Variants in PKD1 observed in about 807,000 individuals in gnomAD.
PKD1 encodes the protein polycystin-1.
PKD1 carries 81 observed loss-of-function variants against 361.7 expected under a neutral mutation model. The observed-to-expected ratio is 0.22, with a 90% CI of 0.19 to 0.27. The LOEUF (loss-of-function observed/expected upper bound fraction) is 0.27, where lower values mean the gene tolerates loss of function less well. Among genes scored for constraint, PKD1 ranks in the 10% least tolerant of loss-of-function variants. The probability of loss-of-function intolerance (pLI) is 1.00; values close to 1 mark genes in which losing one functional copy is unlikely to be tolerated. For missense variants in PKD1, 6,399 were observed against 6,118.3 expected, an observed-to-expected ratio of 1.05 and a Z score of -1.53; for synonymous variants, 3,615 against 2,818.3, an observed-to-expected ratio of 1.28 and a Z score of -8.95.
At position 2,116,135 on chromosome 16, in the gene PKD1, C is replaced by T. The variant is rs749856740; in HGVS notation, c.1723-17G>A. ...TACCATGACCTGGTGGGCAGGGGGC[C>T]GCCTCAGCTCCACAGACCCCATCCC... On this transcript the variant is annotated splice_polypyrimidine_tract_variant and intron_variant, in intron 8 of 45. Coordinates refer to ENST00000262304, the MANE Select transcript of PKD1 (RefSeq NM_001009944.3). The T allele has an allele frequency of 2.4e-5, 37 of 1,559,282 alleles. No individual in the cohort carries two copies. The highest frequency in any genetic ancestry group is 1.0e-4 in the South Asian group (9 of 87,120).
At chr16:2,098,019 C>T (rs764494238) in intron 30 of PKD1, 35 bp from the exon 31 acceptor site, 2 of 1,128,870 alleles carry the variant, frequency 1.8e-6, no homozygotes, top group East Asian at 4.7e-5. Context: ...CGGGCGGCAG[C>T]TCAGACCTGC....
intron 13 of PKD1, 43 bp downstream of exon 13, chr16:2,112,745 A>G: frequency 6.3e-7 from 1 of 1,579,974 alleles, no homozygotes; most frequent in Non-Finnish European, 8.6e-7. Context: ...GGGCTGGGAC[A>G]AGAGCCTGGT....
At position 2,111,310 on chromosome 16, in the gene PKD1, C is replaced by T. The variant is rs781761939; in HGVS notation, c.3857G>A (p.Ser1286Asn). The T allele has an allele frequency of 3.7e-6, 6 of 1,608,956 alleles. No individual in the cohort carries two copies. Among genetic ancestry groups the T allele is most frequent in the African/African-American group, 2.7e-5 (2 of 74,982 alleles). Residue 1286 changes from serine to asparagine, a missense_variant, in exon 15 of 46, where the codon AGC (serine) becomes AAC (asparagine). Transcript: ENST00000262304. ...CAGGACGAAGACCAGCACGTGCAGG[C>T]TCCGGGCCAGGTGGCCGGCGGGGCT... ...AASPAGHLARSLHVLVFVLEV... is the reference protein window; with the variant it reads ...AASPAGHLARNLHVLVFVLEV...
rs1432173204 is a variant in PKD1 at position 2,089,994 on chromosome 16, G to A, written c.12645C>T (p.Leu4215=). 6.2e-7 allele frequency: 1 copy of A among 1,610,990 alleles called. No individual in the cohort carries two copies. Among genetic ancestry groups the A allele is most frequent in the South Asian group, 1.1e-5 (1 of 90,834 alleles). ...GTRCEPEPSR[L]QAVFEALLTQ... ...TGAGCAGGGCCTCGAACACGGCTTG[G>A]AGGCGGGAGGGCTCAGGCTCACACC... The change falls in exon 46 of 46, where the codon CTC becomes CTT. Residue 4215 remains leucine (L), a synonymous_variant. Transcript: ENST00000262304.
In PKD1 at chr16:2,118,625, G is replaced by C; in HGVS notation, c.529+51C>G. ...CCCTGCCCAGTGTCTGCAGGGCCCA[G>C]GTCCCACCTGGCTGGGAAGGACAGA... On this transcript the variant is annotated intron_variant, in intron 4 of 45. Coordinates refer to ENST00000262304, the MANE Select transcript of PKD1 (RefSeq NM_001009944.3). This position sits in a 1 kb window ranked among gnomAD's most constrained non-coding sequence, Gnocchi z 6.0. 2 of 959,260 alleles carry C rather than the reference G, an allele frequency of 2.1e-6. No individual in the cohort carries two copies. The highest frequency in any genetic ancestry group is 1.4e-5 in the South Asian group (1 of 72,662). The allele number at this position is 959,260 out of a possible 1,614,324, so 59.4% of individuals were successfully genotyped here.
chr16:2,095,213 G>C lies in PKD1; in HGVS notation c.10500-1003C>G, dbSNP rs1023228623. 3.3e-5 allele frequency: 5 copies of C among 152,260 alleles called. No homozygotes were observed. In the East Asian group the frequency reaches 9.7e-4, roughly 29 times the overall value. The allele number at this position is 152,260 out of a possible 1,614,324, so 9.4% of individuals were successfully genotyped here. A position where few individuals can be genotyped will look rare whatever the true frequency, so the allele number is the denominator to read the frequency against. The stretch of plus-strand genomic sequence containing the variant: ...TCACGAGGTCAGGAGTTCAAGACCA[G>C]CCTGGCTAAGATGGTGAAACCTCCT... On this transcript the variant is annotated intron_variant, in intron 34 of 45. Coordinates refer to ENST00000262304, the MANE Select transcript of PKD1 (RefSeq NM_001009944.3).
chr16:2,091,198 G>A (rs1450304277), intron 42 of PKD1, 24 bp from the exon 43 acceptor site: 60 of 1,354,234 alleles, frequency 4.4e-5, no homozygotes, highest in Admixed American at 1.1e-4. Flanking sequence ...GGTCAGGAGG[G>A]CGGGAGGGAC....
chr16:2,104,313 G>A (rs2092243703), intron 22 of PKD1, among the ~76,000 whole-genome samples, 185 bp downstream of exon 22: 1 of 78,772 alleles, frequency 1.3e-5, no homozygotes, highest in Admixed American at 1.1e-4. Context: ...GAAAAGGGAT[G>A]GTAATAGGGA....
Position 2,107,899 on chromosome 16 carries a change from T to G in PKD1, c.7049A>C (p.Glu2350Ala), listed in dbSNP as rs542108813. The G allele has an allele frequency of 1.4e-5, 21 of 1,544,762 alleles. No individual in the cohort carries two copies. In the African/African-American group the frequency reaches 1.4e-4, roughly 10 times the overall value. ...LTVWKAGRKEEATNQTVLIRS... is the reference protein window; with the variant it reads ...LTVWKAGRKEAATNQTVLIRS... ...GGCACCCACCGTCTGGTTGGTGGCC[T>G]CCTCCTTGCGGCCGGCCTTCCACAC... Residue 2350 changes from glutamate (E) to alanine (A), a missense_variant, in exon 16 of 46, where the codon GAG becomes GCG. Coordinates refer to ENST00000262304, the MANE Select transcript of PKD1 (RefSeq NM_001009944.3).
In PKD1 at chr16:2,089,979, C is replaced by T. The variant is rs759787794; in HGVS notation, c.12660G>A (p.Glu4220=). The T allele has an allele frequency of 1.1e-5, 17 of 1,611,896 alleles. No homozygotes were observed. In the Admixed American group the frequency reaches 2.5e-4, roughly 24 times the overall value. ...GTCGGTCAAACTGGGTGAGCAGGGC[C>T]TCGAACACGGCTTGGAGGCGGGAGG... is the stretch of plus-strand genomic sequence containing the variant. ...PEPSRLQAVF[E]ALLTQFDRLN... Residue 4220 remains glutamate (E), a synonymous_variant, in exon 46 of 46, where the codon GAG becomes GAA. Coordinates refer to ENST00000262304, the MANE Select transcript of PKD1 (RefSeq NM_001009944.3).
chr16:2,120,510 T>C (rs1011836127), intron 1 of PKD1, among the ~76,000 whole-genome samples: 3 of 152,030 alleles, frequency 2.0e-5, no homozygotes, highest in African/African-American at 7.3e-5. Context: ...GAGACCAGGA[T>C]GGACAGCATA....
At position 2,115,562 on chromosome 16, in the gene PKD1, G is replaced by A. The variant is rs759949860; in HGVS notation, c.1913C>T (p.Pro638Leu). 3 of 1,591,520 alleles carry A rather than the reference G, an allele frequency of 1.9e-6. No individual in the cohort carries two copies. The highest frequency in any genetic ancestry group is 2.3e-5 in the East Asian group (1 of 44,406). ...CCAGCGTCCCCCTGGCATGCACGCG[G>A]GGGCCAGCTGGGTCCTGTTGTCCGG... ...RSPDNRTQLAPACMPGGRWCP... is the reference protein window; with the variant it reads ...RSPDNRTQLALACMPGGRWCP... Residue 638 changes from proline to leucine, a missense_variant, in exon 10 of 46, where the codon CCC becomes CTC. By Grantham distance (98) the Pro-to-Leu change is moderately conservative (BLOSUM62 -3). Transcript: ENST00000262304.
Position 2,091,879 on chromosome 16 carries a change from C to G in PKD1, c.11439G>C (p.Val3813=). Residue 3813 remains valine, a synonymous_variant, in exon 41 of 46, where the codon GTG becomes GTC. Coordinates refer to ENST00000262304, the MANE Select transcript of PKD1 (RefSeq NM_001009944.3). Reference sequence around the variant, plus strand: ...CCTGCACGTAGCCCCCGCTGTCATACACGGCACAGGAGCCCCAGGACCATG... The same window carrying G: ...CCTGCACGTAGCCCCCGCTGTCATAGACGGCACAGGAGCCCCAGGACCATG... ...LGAWSWGSCA[V]YDSGGYVQEL... is the part of the protein sequence containing the mutation. The G allele has an allele frequency of 1.2e-6, 2 of 1,611,458 alleles. No individual in the cohort carries two copies. Among genetic ancestry groups the G allele is most frequent in the East Asian group, 2.2e-5 (1 of 44,852 alleles).
Position 2,118,234 on chromosome 16 carries a change from G to A in PKD1, c.758C>T (p.Pro253Leu). 2 of 1,531,490 alleles carry A rather than the reference G, an allele frequency of 1.3e-6. No homozygotes were observed. Among genetic ancestry groups the A allele is most frequent in the Non-Finnish European group, 1.8e-6 (2 of 1,142,054 alleles). The allele number at this position is 1,531,490 out of a possible 1,614,324, so 94.9% of individuals were successfully genotyped here. Residue 253 changes from proline to leucine, a missense_variant, in exon 5 of 46, where the codon CCA becomes CTA. Transcript: ENST00000262304. The surrounding 1 kb of genome is among the most constrained non-coding windows in gnomAD (Gnocchi z 6.0). ...ACLSLCSGPP[P>L]PPAPTCRGPT... The stretch of plus-strand genomic sequence containing the variant: ...GCCCCTACAGGTGGGGGCAGGAGGT[G>A]GCGGGGGGCCGGAGCAGAGGGACAG...
chr16:2,090,581 A>C lies in PKD1; in HGVS notation c.12148T>G (p.Ser4050Ala). 6.2e-7 allele frequency: 1 copy of C among 1,608,920 alleles called. No homozygotes were observed. The highest frequency in any genetic ancestry group is 1.1e-5 in the South Asian group (1 of 91,022). Residue 4050 changes from serine to alanine, a missense_variant, in exon 45 of 46, where the codon TCC becomes GCC. Physicochemically the swap from Ser to Ala is moderately conservative, Grantham distance 99. Transcript: ENST00000262304. ...YAQLAILLVS[S>A]CVDSLWSVAQ... ...ACGCTCCAGAGGGAGTCCACACAGG[A>C]AGACACGAGCTGCGGGGAAGGCGAC...
At position 2,105,857 on chromosome 16, in the gene PKD1, G is replaced by A. The variant is rs763184462; in HGVS notation, c.7863+8C>T. On this transcript the variant is annotated splice_region_variant and intron_variant, in intron 20 of 45. Coordinates refer to ENST00000262304, the MANE Select transcript of PKD1 (RefSeq NM_001009944.3). The stretch of plus-strand genomic sequence containing the variant: ...CAGATGTGACGTCCCCTCCCAGGCT[G>A]CACTCACCTCGTTCAGCACGGTGAC... 3.1e-6 allele frequency: 5 copies of A among 1,595,244 alleles called. 1 individual carries two copies. The highest frequency in any genetic ancestry group is 4.2e-6 in the Non-Finnish European group (5 of 1,178,912).
intron 39 of PKD1, 103 bp from the exon 40 acceptor site, chr16:2,092,291 C>T (rs1596483504): frequency 1.6e-6 from 2 of 1,286,722 alleles, no homozygotes; most frequent in Non-Finnish European, 2.2e-6. Flanking sequence ...GGCGCCACCC[C>T]AGGGAACCCT....
At position 2,114,438 on chromosome 16, in the gene PKD1, G is replaced by C. The variant is rs761489072; in HGVS notation, c.2585C>G (p.Pro862Arg). 52 of 1,600,090 alleles carry C rather than the reference G, an allele frequency of 3.2e-5. No homozygotes were observed. Among genetic ancestry groups the C allele is most frequent in the Non-Finnish European group, 4.3e-5 (51 of 1,179,502 alleles). The change falls in exon 11 of 46, where the codon CCT becomes CGT. Residue 862 changes from proline to arginine, a missense_variant. Coordinates refer to ENST00000262304, the MANE Select transcript of PKD1 (RefSeq NM_001009944.3). The stretch of plus-strand genomic sequence containing the variant: ...AAAGCGGGCGCTGACACTGCCCCCA[G>C]GCCAGCGAGCCGTGGCCGTGGCGTT... ...GANATATARW[P>R]GGSVSARFEN...
rs762911981 is a variant in PKD1 at position 2,108,800 on chromosome 16, G to C, written c.6367C>G (p.Gln2123Glu). 12 of 1,568,252 alleles carry C rather than the reference G, an allele frequency of 7.7e-6. No individual in the cohort carries two copies. Among genetic ancestry groups the C allele is most frequent in the Non-Finnish European group, 9.5e-6 (11 of 1,157,800 alleles). The change falls in exon 15 of 46, where the codon CAG (glutamine) becomes GAG (glutamate). Residue 2123 changes from glutamine (Q) to glutamate (E), a missense_variant. By Grantham distance (29) the Gln-to-Glu change is conservative. Coordinates refer to ENST00000262304, the MANE Select transcript of PKD1 (RefSeq NM_001009944.3). Reference protein sequence around the residue: ...SYLRPGDYRVQVNASNLVSFF... With the variant: ...SYLRPGDYRVEVNASNLVSFF... ...CTCACCAGGTTGGAGGCGTTCACCT[G>C]CACGCGGTAGTCCCCAGGCCTCAGG...
Sources: allele counts gnomAD v4.1 joint callset (sites outside exome capture counted in the v4.1 genomes callset), GRCh38; gene constraint gnomAD v4.1.1; non-coding constraint Gnocchi (gnomAD v3.1); transcripts MANE v1.5; gene names NCBI Gene and HGNC (gene_info 2026-07-23, HGNC 2026-07-21).